The following CLNK variants were observed in gnomAD, a reference collection of about 807,000 sequenced individuals.
The protein encoded by CLNK is cytokine-dependent hematopoietic cell linker.
CLNK carries 74 observed loss-of-function variants against 68.6 expected under a neutral mutation model. The ratio of observed to expected loss-of-function variants is 1.08; its 90% CI spans 0.89 to 1.31. The LOEUF (loss-of-function observed/expected upper bound fraction) is 1.31, where lower values mean the gene tolerates loss of function less well. Among genes scored for constraint, CLNK ranks in the 50% most tolerant of loss-of-function variants. The probability of loss-of-function intolerance (pLI) is 0.00; values close to 1 mark genes in which losing one functional copy is unlikely to be tolerated. For synonymous variants in CLNK, 198 were observed against 172.2 expected (o/e 1.15, Z -1.17); for missense variants, 553 against 515.3 (o/e 1.07, Z -0.71).
At position 10,528,081 on chromosome 4, in the gene CLNK, T is replaced by G. The variant is rs780750019; in HGVS notation, c.644A>C (p.Glu215Ala). The change falls in exon 13 of 19, where the codon GAA (glutamate) becomes GCA (alanine). Residue 215 changes from glutamate to alanine, a missense_variant. Coordinates refer to ENST00000226951, the MANE Select transcript of CLNK (RefSeq NM_052964.4). Reference sequence around the variant, plus strand: ...AACAAATGTAAACAATTCACCTTTTTCTGCTTCAAGGACCTGTATTGAATT... The same window carrying G: ...AACAAATGTAAACAATTCACCTTTTGCTGCTTCAAGGACCTGTATTGAATT... Reference protein sequence around the residue: ...LRDLSEVLEAEKVPHNQRKPE... With the variant: ...LRDLSEVLEAAKVPHNQRKPE... The G allele has an allele frequency of 5.7e-5, 77 of 1,362,504 alleles. No homozygotes were observed. The highest frequency in any genetic ancestry group is 1.6e-4 in the Admixed American group (5 of 30,628). 84.4% of individuals were successfully genotyped at this position (1,362,504 alleles called of 1,614,324 possible).
chr4:10,515,791 C>G (rs930103785), intron 15 of CLNK, among the ~76,000 whole-genome samples: 24 of 152,278 alleles, frequency 1.6e-4, no homozygotes, highest in Admixed American at 7.2e-4. Context: ...CAGTGGCAGA[C>G]CTGTTTATGT....
intron 11 of CLNK, among the ~76,000 whole-genome samples, chr4:10,537,639 CTTT>C (rs1560206773): frequency 0.023 from 1,460 of 62,328 alleles, 101 homozygotes; most frequent in South Asian, 0.029. Flanking sequence ...CTTTCTTTCT[CTTT>C]CTTTCTTTCT....
intron 15 of CLNK, 94 bp from the exon 16 acceptor site, chr4:10,513,691 C>T (rs1251000901): frequency 1.5e-6 from 2 of 1,291,244 alleles, no homozygotes; most frequent in East Asian, 2.7e-5. Flanking sequence ...TTGCTCCTTC[C>T]TATATCTGTG....
At chr4:10,699,466 G>GTCTCTCTC in the CLNK span, among the ~76,000 whole-genome samples, 1,035 of 60,184 alleles carry the variant, frequency 0.017, 19 homozygotes, top group Middle Eastern at 0.025. Flanking sequence ...CATCCTCTCT[G>GTCTCTCTC]TCTCTCTCTC....
chr4:10,602,451 A>T (rs528530416), intron 2 of CLNK, among the ~76,000 whole-genome samples: 1 of 152,316 alleles, frequency 6.6e-6, no homozygotes, highest in South Asian at 2.1e-4. Context: ...GTGTTCTTCT[A>T]TGAGGAGGCT....
At position 10,595,630 on chromosome 4, in the gene CLNK, A is replaced by G. The variant is rs192998312; in HGVS notation, c.83+2348T>C. On this transcript the variant is annotated intron_variant, in intron 3 of 18. Coordinates refer to ENST00000226951, the MANE Select transcript of CLNK (RefSeq NM_052964.4). Reference sequence around the variant, plus strand: ...GGGTGGTTGGGCTGTGGGGGCCTGCAGGAGACTTAACTCCCACACTCAACC... The same window carrying G: ...GGGTGGTTGGGCTGTGGGGGCCTGCGGGAGACTTAACTCCCACACTCAACC... Among the ~76,000 whole-genome samples the G allele has an allele frequency of 1.6e-3, 245 of 152,228 alleles. 1 individual carries two copies. Among genetic ancestry groups the G allele is most frequent in the African/African-American group, 5.4e-3 (223 of 41,540 alleles).
chr4:10,507,432 C>T (rs1257860267), intron 17 of CLNK, among the ~76,000 whole-genome samples: 1 of 141,944 alleles, frequency 7.0e-6, no homozygotes, highest in Non-Finnish European at 1.5e-5. Flanking sequence ...TTTTTGTTTT[C>T]TGTTTTTATT....
At chr4:10,611,727 C>G (rs766886002) in intron 2 of CLNK, among the ~76,000 whole-genome samples, 2 of 152,134 alleles carry the variant, frequency 1.3e-5, no homozygotes, top group Non-Finnish European at 1.5e-5. Flanking sequence ...ATGTGCTGCT[C>G]CTGGGGGTGG....
chr4:10,601,010 G>A (rs1034407857), intron 2 of CLNK, among the ~76,000 whole-genome samples: 1 of 152,132 alleles, frequency 6.6e-6, no homozygotes, highest in Non-Finnish European at 1.5e-5. Flanking sequence ...ATCAGCTTTG[G>A]CCTTTTTAAC....
At chr4:10,546,965 C>T (rs1398847803) in intron 8 of CLNK, among the ~76,000 whole-genome samples, 1 of 152,152 alleles carries the variant, frequency 6.6e-6, no homozygotes, top group African/African-American at 2.4e-5. Flanking sequence ...GCTCAGGTGT[C>T]TTTTCTTATA....
At chr4:10,678,435 G>A (rs1444620570) in intron 1 of CLNK, among the ~76,000 whole-genome samples, 2 of 152,084 alleles carry the variant, frequency 1.3e-5, no homozygotes, top group Non-Finnish European at 2.9e-5. Flanking sequence ...GGCTAGGAAG[G>A]TATTCCAAAA....
At chr4:10,606,758 A>G (rs1214911714) in intron 2 of CLNK, among the ~76,000 whole-genome samples, 1 of 152,208 alleles carries the variant, frequency 6.6e-6, no homozygotes, top group Non-Finnish European at 1.5e-5. Flanking sequence ...TATATGGTGC[A>G]TGACTGTATC....
the CLNK span, among the ~76,000 whole-genome samples, chr4:10,715,911 G>A: frequency 6.6e-6 from 1 of 152,144 alleles, no homozygotes. Context: ...GTAGCTGCTT[G>A]GCAGAGAGAA....
intron 17 of CLNK, among the ~76,000 whole-genome samples, chr4:10,504,116 C>CT (rs10660433): frequency 0.2 from 13,358 of 67,274 alleles, 2,595 homozygotes; most frequent in African/African-American, 0.4. Flanking sequence ...TCTTTGGGTT[C>CT]TTTTTTTTTT....
the CLNK span, among the ~76,000 whole-genome samples, chr4:10,699,513 T>TATATTTTA: frequency 1.6e-3 from 97 of 62,040 alleles, 4 homozygotes; most frequent in African/African-American, 7.5e-3. Flanking sequence ...TATATATATA[T>TATATTTTA]TTTTTTTTTT....
At chr4:10,604,661 C>T (rs984879073) in intron 2 of CLNK, among the ~76,000 whole-genome samples, 1 of 151,928 alleles carries the variant, frequency 6.6e-6, no homozygotes, top group Non-Finnish European at 1.5e-5. Flanking sequence ...CATTCATTCC[C>T]TATTATCTCA....
At chr4:10,672,560 T>G (rs560733887) in intron 1 of CLNK, among the ~76,000 whole-genome samples, 1 of 152,202 alleles carries the variant, frequency 6.6e-6, no homozygotes, top group Non-Finnish European at 1.5e-5. Flanking sequence ...GGCACTTAGT[T>G]AGAAATGAAA....
chr4:10,565,938 C>G, intron 6 of CLNK, 71 bp downstream of exon 6: 1 of 1,527,416 alleles, frequency 6.5e-7, no homozygotes, highest in East Asian at 2.4e-5. Flanking sequence ...AGAAACCGCA[C>G]CTTTAAATAG....
chr4:10,699,673 C>T, the CLNK span, among the ~76,000 whole-genome samples: 2 of 151,134 alleles, frequency 1.3e-5, no homozygotes, highest in South Asian at 4.2e-4. Flanking sequence ...CCACCACACC[C>T]TGCTAATTTT....
Sources: allele counts gnomAD v4.1 joint callset (sites outside exome capture counted in the v4.1 genomes callset), GRCh38; gene constraint gnomAD v4.1.1; transcripts MANE v1.5; gene names NCBI Gene and HGNC (gene_info 2026-07-23, HGNC 2026-07-21).